Variants in CADM2 observed in about 807,000 individuals in gnomAD.
CADM2 encodes the protein immunoglobulin superfamily member 4D.
CADM2 carries 12 observed loss-of-function variants against 49.8 expected under a neutral mutation model. That is an observed-to-expected ratio of 0.24 (90% CI 0.15 to 0.39). CADM2 has a LOEUF of 0.39. CADM2 is among the 10% of genes least tolerant of loss of function. The pLI is 1.00. For synonymous variants in CADM2, 214 were observed against 175.4 expected (o/e 1.22, Z -1.74); for missense variants, 378 against 492.3 (o/e 0.77, Z 2.20).
rs112498065 is a variant in CADM2 at position 85,130,921 on chromosome 3, G to A, written c.61+171253G>A. On this transcript the variant is annotated intron_variant, in intron 1 of 9. Coordinates refer to ENST00000383699, the MANE Select transcript of CADM2 (RefSeq NM_001167675.2). ...TTTTATGCTAGGCATGGTGGCTCAG[G>A]CCTGTAATCCCAGCACTTTGGGAGG... is the stretch of plus-strand genomic sequence containing the variant. Among the ~76,000 whole-genome samples, 907 of 152,292 alleles carry A rather than the reference G, an allele frequency of 6.0e-3. 12 individuals are homozygous for A. The highest frequency in any genetic ancestry group is 0.02 in the African/African-American group (842 of 41,568).
chr3:84,966,704 A>G (rs1559593612), intron 1 of CADM2, among the ~76,000 whole-genome samples: 1 of 152,056 alleles, frequency 6.6e-6, no homozygotes, highest in Non-Finnish European at 1.5e-5. Context: ...TATTCACATT[A>G]TATTTTAGAG....
chr3:85,573,991 G>A (rs920387724), intron 1 of CADM2, among the ~76,000 whole-genome samples: 1 of 152,108 alleles, frequency 6.6e-6, no homozygotes, highest in Non-Finnish European at 1.5e-5. Flanking sequence ...GATACTGACT[G>A]GTTATTTCAG....
At chr3:85,355,802 T>C (rs1055593654) in intron 1 of CADM2, among the ~76,000 whole-genome samples, 1 of 152,088 alleles carries the variant, frequency 6.6e-6, no homozygotes, top group African/African-American at 2.4e-5. Flanking sequence ...GGGTCTGTTG[T>C]GTTTGATGCA....
chr3:85,212,882 C>CTTTCTTTCTTTCTT (rs1553696367), intron 1 of CADM2, among the ~76,000 whole-genome samples: 1 of 113,506 alleles, frequency 8.8e-6, no homozygotes, highest in African/African-American at 4.9e-5. Flanking sequence ...TTCTTTCTTT[C>CTTTCTTTCTTTCTT]TTTCTCTTTC....
At chr3:85,577,758 A>G (rs949394903) in intron 1 of CADM2, among the ~76,000 whole-genome samples, 1 of 152,002 alleles carries the variant, frequency 6.6e-6, no homozygotes, top group Non-Finnish European at 1.5e-5. Flanking sequence ...CTCTATTTTT[A>G]TTGTTGTTTT....
chr3:86,044,787 T>G (rs1259220910), intron 8 of CADM2, among the ~76,000 whole-genome samples: 7 of 152,076 alleles, frequency 4.6e-5, no homozygotes, highest in Admixed American at 2.0e-4. Flanking sequence ...CTATTCACAA[T>G]AGCAAAGACT....
chr3:85,558,487 C>G (rs1395813007), intron 1 of CADM2, among the ~76,000 whole-genome samples: 1 of 151,886 alleles, frequency 6.6e-6, no homozygotes, highest in African/African-American at 2.4e-5. Context: ...TTATTTATTA[C>G]TAGACATATT....
intron 1 of CADM2, among the ~76,000 whole-genome samples, chr3:85,396,600 C>T (rs572961145): frequency 6.6e-6 from 1 of 151,876 alleles, no homozygotes. Flanking sequence ...TTTTGCATTA[C>T]TCATTATTTT....
At chr3:85,825,254 G>A (rs1221425510) in intron 3 of CADM2, among the ~76,000 whole-genome samples, 1 of 151,920 alleles carries the variant, frequency 6.6e-6, no homozygotes. Context: ...CAAGTTTAGA[G>A]GGCTTAATGA....
At chr3:85,285,701 AG>A (rs1302824847) in intron 1 of CADM2, among the ~76,000 whole-genome samples, 2 of 152,070 alleles carry the variant, frequency 1.3e-5, no homozygotes, top group Admixed American at 1.3e-4. Flanking sequence ...GATACCACTA[AG>A]AAGATCAGTT....
At chr3:85,049,195 A>G (rs2035782601) in intron 1 of CADM2, among the ~76,000 whole-genome samples, 1 of 152,144 alleles carries the variant, frequency 6.6e-6, no homozygotes, top group Non-Finnish European at 1.5e-5. Flanking sequence ...TGAAGTAGTA[A>G]AAATGAAGTC....
intron 1 of CADM2, among the ~76,000 whole-genome samples, chr3:85,397,262 G>A (rs1256595058): frequency 6.6e-6 from 1 of 152,090 alleles, no homozygotes; most frequent in Non-Finnish European, 1.5e-5. Flanking sequence ...AAAATACCAA[G>A]TTATTATAAG....
At chr3:85,789,666 T>C (rs1472112852) in intron 2 of CADM2, among the ~76,000 whole-genome samples, 1 of 152,176 alleles carries the variant, frequency 6.6e-6, no homozygotes, top group African/African-American at 2.4e-5. Flanking sequence ...TAAACTATGG[T>C]TTGAATTTTT....
At chr3:85,455,874 T>C (rs994979683) in intron 1 of CADM2, among the ~76,000 whole-genome samples, 7 of 152,158 alleles carry the variant, frequency 4.6e-5, no homozygotes, top group Admixed American at 4.6e-4. Flanking sequence ...AAAGACATAG[T>C]GGTCAATCTC....
intron 1 of CADM2, among the ~76,000 whole-genome samples, chr3:85,300,244 G>T (rs1236188984): frequency 6.6e-6 from 1 of 152,054 alleles, no homozygotes; most frequent in African/African-American, 2.4e-5. Flanking sequence ...GAGCAGGTCT[G>T]GGAAGAAGGT....
intron 1 of CADM2, among the ~76,000 whole-genome samples, chr3:85,525,125 T>C (rs1289692689): frequency 6.6e-6 from 1 of 152,130 alleles, no homozygotes; most frequent in East Asian, 1.9e-4. Context: ...CTGCACGTTC[T>C]GCACGTGTAT....
intron 1 of CADM2, among the ~76,000 whole-genome samples, chr3:85,473,543 A>T (rs182373413): frequency 6.6e-6 from 1 of 152,174 alleles, no homozygotes; most frequent in African/African-American, 2.4e-5. Flanking sequence ...CTCCATGTTC[A>T]ACATCAAGGA....
At chr3:85,123,260 T>C (rs548532108) in intron 1 of CADM2, among the ~76,000 whole-genome samples, 1 of 152,294 alleles carries the variant, frequency 6.6e-6, no homozygotes, top group South Asian at 2.1e-4. Flanking sequence ...AGGCAAGAAG[T>C]AATACTCTTA....
intron 1 of CADM2, among the ~76,000 whole-genome samples, chr3:85,199,370 T>TGAGAGAGAGAGAGAGA (rs59939815): frequency 0.04 from 5,578 of 139,938 alleles, 311 homozygotes; most frequent in African/African-American, 0.13. Flanking sequence ...TGTGTGTGTA[T>TGAGAGAGAGAGAGAGA]GAGAGAGAGA....
Sources: allele counts gnomAD v4.1 joint callset (sites outside exome capture counted in the v4.1 genomes callset), GRCh38; gene constraint gnomAD v4.1.1; transcripts MANE v1.5; gene names NCBI Gene and HGNC (gene_info 2026-07-23, HGNC 2026-07-21).